The following TENM3 variants were observed in gnomAD, a reference collection of about 807,000 sequenced individuals.
TENM3 encodes the protein teneurin transmembrane protein 3.
In TENM3, 63 loss-of-function variants were observed where a neutral mutation model predicts 255.1. The observed-to-expected ratio is 0.25, with a 90% CI of 0.20 to 0.30. The LOEUF is 0.30. TENM3 is among the 10% of genes least tolerant of loss of function. The pLI is 1.00. For missense variants in TENM3, 2,929 were observed against 3,461.1 expected (o/e 0.85, Z 3.86); for synonymous variants, 1,306 against 1,322.3 (o/e 0.99, Z 0.27).
Position 182,342,058 on chromosome 4 carries a change from C to A in TENM3, c.233-4593C>A, listed in dbSNP as rs527823993. 3.9e-5 allele frequency among the ~76,000 whole-genome samples: 6 copies of A among 152,292 alleles called. No homozygotes were observed. The South Asian group carries it at 1.2e-3, about 32-fold the overall frequency. On this transcript the variant is annotated intron_variant, in intron 2 of 27. Transcript: ENST00000511685. ...TAGTGGGAATATAAAACACTGCAGT[C>A]ATTGTGGAAAACAGTCCGGCAGTGC...
At chr4:181,706,527 A>T in the TENM3 span, among the ~76,000 whole-genome samples, 7 of 152,226 alleles carry the variant, frequency 4.6e-5, no homozygotes, top group African/African-American at 1.7e-4. Context: ...CAATCAACAT[A>T]TTAGAATTTC....
chr4:182,706,553 A>G (rs1445696748), intron 12 of TENM3, among the ~76,000 whole-genome samples: 1 of 152,146 alleles, frequency 6.6e-6, no homozygotes, highest in African/African-American at 2.4e-5. Context: ...CCTCTGTATT[A>G]CTTATAGAAT....
At chr4:182,411,467 G>C (rs905564049) in intron 3 of TENM3, among the ~76,000 whole-genome samples, 16 of 152,134 alleles carry the variant, frequency 1.1e-4, no homozygotes, top group African/African-American at 3.6e-4. Flanking sequence ...GTATGGCATT[G>C]ATTCTCAAAA....
the TENM3 span, among the ~76,000 whole-genome samples, chr4:182,135,779 A>C: frequency 6.6e-6 from 1 of 152,222 alleles, no homozygotes; most frequent in South Asian, 2.1e-4. Context: ...AGTTTCTCCC[A>C]ACCAACACAT....
chr4:182,237,448 T>G (rs968769814), intron 1 of TENM3, among the ~76,000 whole-genome samples: 4 of 151,240 alleles, frequency 2.6e-5, no homozygotes, highest in Non-Finnish European at 5.9e-5. Flanking sequence ...TCACTGTAAC[T>G]TCTGCCTCCT....
intron 3 of TENM3, 101 bp downstream of exon 3, chr4:182,347,030 A>C (rs1764872880): frequency 1.0e-6 from 1 of 992,524 alleles, no homozygotes; most frequent in Non-Finnish European, 1.5e-6. Context: ...CCTTCCTCTC[A>C]TCCTTCTTTC....
chr4:182,209,330 C>T (rs556429156), intron 1 of TENM3, among the ~76,000 whole-genome samples: 2 of 152,226 alleles, frequency 1.3e-5, no homozygotes, highest in East Asian at 3.9e-4. Flanking sequence ...GCTCTACCTC[C>T]CATCCCATCC....
At chr4:182,730,470 A>G (rs969141473) in intron 15 of TENM3, among the ~76,000 whole-genome samples, 151 bp downstream of exon 15, 8 of 152,208 alleles carry the variant, frequency 5.3e-5, no homozygotes, top group African/African-American at 1.9e-4. Flanking sequence ...TATGGCAGAG[A>G]TTTAAAGTCA....
At chr4:182,577,226 C>T (rs951426993) in intron 3 of TENM3, among the ~76,000 whole-genome samples, 1 of 152,212 alleles carries the variant, frequency 6.6e-6, no homozygotes, top group African/African-American at 2.4e-5. Context: ...TACTTCATCT[C>T]TCTGTATATC....
chr4:182,309,236 C>T (rs570038617), intron 1 of TENM3, among the ~76,000 whole-genome samples: 1 of 152,318 alleles, frequency 6.6e-6, no homozygotes, highest in South Asian at 2.1e-4. Context: ...GCATTCGCAT[C>T]GCTGAGTGCG....
chr4:182,346,082 T>TACAC, intron 2 of TENM3, among the ~76,000 whole-genome samples: 1 of 151,914 alleles, frequency 6.6e-6, no homozygotes, highest in East Asian at 1.9e-4. Context: ...CATACATACA[T>TACAC]ACATACATAC....
chr4:181,735,260 T>C, the TENM3 span, among the ~76,000 whole-genome samples: 8 of 152,270 alleles, frequency 5.3e-5, no homozygotes, highest in African/African-American at 1.7e-4. Flanking sequence ...TCCCCCATTG[T>C]TTTTAAACTT....
At chr4:182,152,198 G>A (rs1750398519) in intron 1 of TENM3, among the ~76,000 whole-genome samples, 1 of 151,776 alleles carries the variant, frequency 6.6e-6, no homozygotes, top group Admixed American at 6.6e-5. Context: ...TTCAGAAAGG[G>A]GTGAAAGCTG....
intron 1 of TENM3, among the ~76,000 whole-genome samples, chr4:182,308,061 G>A (rs567348764): frequency 4.6e-5 from 7 of 152,146 alleles, no homozygotes; most frequent in African/African-American, 1.7e-4. Context: ...ATCCTCTGCC[G>A]TGGTTTATAA....
chr4:182,096,761 A>G, the TENM3 span, among the ~76,000 whole-genome samples: 6 of 152,310 alleles, frequency 3.9e-5, no homozygotes, highest in African/African-American at 1.4e-4. Flanking sequence ...AATGTGCAGG[A>G]AATTCAAAAG....
At chr4:181,676,154 C>T in the TENM3 span, among the ~76,000 whole-genome samples, 3 of 152,062 alleles carry the variant, frequency 2.0e-5, no homozygotes, top group East Asian at 1.9e-4. Flanking sequence ...CTTCAAAATG[C>T]GCTGTTAAAT....
At chr4:182,696,180 A>G (rs184435401) in intron 12 of TENM3, among the ~76,000 whole-genome samples, 134 of 152,354 alleles carry the variant, frequency 8.8e-4, no homozygotes, top group African/African-American at 3.1e-3. Flanking sequence ...AGTCTTTCCA[A>G]ACTTGACAGT....
the TENM3 span, among the ~76,000 whole-genome samples, chr4:181,946,211 C>T: frequency 9.9e-5 from 15 of 152,190 alleles, no homozygotes; most frequent in African/African-American, 2.9e-4. Flanking sequence ...GACCAAGCCA[C>T]AAGTGATATA....
At chr4:181,650,984 C>T in the TENM3 span, among the ~76,000 whole-genome samples, 1 of 152,172 alleles carries the variant, frequency 6.6e-6, no homozygotes, top group Admixed American at 6.5e-5. Flanking sequence ...TCTTCTTTGC[C>T]ATTTGGGGCT....
Sources: allele counts gnomAD v4.1 joint callset (sites outside exome capture counted in the v4.1 genomes callset), GRCh38; gene constraint gnomAD v4.1.1; transcripts MANE v1.5; gene names NCBI Gene and HGNC (gene_info 2026-07-23, HGNC 2026-07-21).